Variants in GALNT17 observed in about 807,000 individuals in gnomAD.
GALNT17 encodes the protein polypeptide N-acetylgalactosaminyltransferase 17.
A neutral mutation model predicts 63.7 loss-of-function variants in GALNT17; 29 were observed. That is an observed-to-expected ratio of 0.46 (90% CI 0.34 to 0.62). The LOEUF is 0.62. GALNT17 is among the 20% of genes least tolerant of loss of function. GALNT17 has a pLI of 0.01. For missense variants in GALNT17, 603 were observed against 799.6 expected (o/e 0.75, Z 2.97); for synonymous variants, 305 against 318.3 (o/e 0.96, Z 0.45).
At chr7:71,557,789 A>AT (rs1449850836) in intron 5 of GALNT17, among the ~76,000 whole-genome samples, 1 of 148,274 alleles carries the variant, frequency 6.7e-6, no homozygotes, top group African/African-American at 2.5e-5. Context: ...AAACTCTTAA[A>AT]TACCCGGGCG....
chr7:71,649,456 G>A (rs1790724380), intron 6 of GALNT17, among the ~76,000 whole-genome samples: 1 of 152,130 alleles, frequency 6.6e-6, no homozygotes, highest in Non-Finnish European at 1.5e-5. Flanking sequence ...TTAAGAGGAT[G>A]GGTGATTGGC....
intron 6 of GALNT17, among the ~76,000 whole-genome samples, chr7:71,635,484 C>A (rs1269190122): frequency 6.6e-6 from 1 of 152,054 alleles, no homozygotes; most frequent in Admixed American, 6.6e-5. Context: ...GGTTGAGGGG[C>A]CTTAGAATTT....
rs1299010416 is a variant in GALNT17 at position 71,291,448 on chromosome 7, A to C, written c.239-44102A>C. 3.9e-5 allele frequency among the ~76,000 whole-genome samples: 6 copies of C among 152,124 alleles called. No individual in the cohort carries two copies. In the East Asian group the frequency reaches 9.6e-4, roughly 24 times the overall value. On this transcript the variant is annotated intron_variant, in intron 1 of 10. Coordinates refer to ENST00000333538, the MANE Select transcript of GALNT17 (RefSeq NM_022479.3). ...TTAGAATCCAATTCCATGATAGCTA[A>C]ATCTTGGTCTGTGAAAACTGTCTAA...
intron 5 of GALNT17, among the ~76,000 whole-genome samples, chr7:71,522,439 A>G (rs933589516): frequency 5.9e-5 from 9 of 152,182 alleles, no homozygotes; most frequent in East Asian, 1.9e-4. Context: ...ATCATGGTGG[A>G]AGTCAAGGAG....
chr7:71,598,718 A>G (rs748837007), intron 6 of GALNT17, among the ~76,000 whole-genome samples: 6 of 152,210 alleles, frequency 3.9e-5, no homozygotes, highest in Non-Finnish European at 7.3e-5. Context: ...TTGAGCGTCT[A>G]CTAGGTGCTG....
In GALNT17 at chr7:71,405,044, G is replaced by A. The variant is rs147666131; in HGVS notation, c.590-10845G>A. Among the ~76,000 whole-genome samples, 23 of 152,310 alleles carry A rather than the reference G, an allele frequency of 1.5e-4. No individual in the cohort carries two copies. The East Asian group carries it at 3.3e-3, about 22-fold the overall frequency. ...TACTGGTGCTTTGCACTCACATTTGGTCCTCATGCAACCCTGTGCAGTGGA... is the reference window on the plus strand; with the variant it reads ...TACTGGTGCTTTGCACTCACATTTGATCCTCATGCAACCCTGTGCAGTGGA... On this transcript the variant is annotated intron_variant, in intron 3 of 10. Transcript: ENST00000333538.
intron 1 of GALNT17, among the ~76,000 whole-genome samples, chr7:71,238,109 C>T (rs1452043763): frequency 2.0e-5 from 3 of 152,236 alleles, no homozygotes; most frequent in African/African-American, 7.2e-5. Flanking sequence ...AGAGCCAGAG[C>T]TGGGCAGCTC....
intron 1 of GALNT17, among the ~76,000 whole-genome samples, chr7:71,213,609 C>A (rs1439723361): frequency 6.7e-6 from 1 of 149,864 alleles, no homozygotes; most frequent in Non-Finnish European, 1.5e-5. Context: ...CTGTATACAT[C>A]CCTGAGAATA....
At chr7:71,225,095 C>T (rs11980728) in intron 1 of GALNT17, among the ~76,000 whole-genome samples, 4,120 of 152,064 alleles carry the variant, frequency 0.027, 193 homozygotes, top group African/African-American at 0.093. Context: ...CAGCCTCCCG[C>T]GTAGCTGTGA....
chr7:71,582,736 T>C (rs146885177), intron 6 of GALNT17, among the ~76,000 whole-genome samples: 1 of 152,280 alleles, frequency 6.6e-6, no homozygotes, highest in African/African-American at 2.4e-5. Context: ...AAAGATCGTG[T>C]GTTCTTGCTC....
chr7:71,587,284 T>A (rs1789733573), intron 6 of GALNT17, among the ~76,000 whole-genome samples: 1 of 152,138 alleles, frequency 6.6e-6, no homozygotes, highest in Non-Finnish European at 1.5e-5. Context: ...TGCCTCAGCC[T>A]CCAAAAGTGC....
chr7:71,568,320 G>T (rs1187816408), intron 5 of GALNT17, among the ~76,000 whole-genome samples: 1 of 152,216 alleles, frequency 6.6e-6, no homozygotes, highest in Non-Finnish European at 1.5e-5. Context: ...GCCTCCTTCA[G>T]TGGATTGTGG....
At chr7:71,508,139 G>C (rs1788296653) in intron 5 of GALNT17, among the ~76,000 whole-genome samples, 1 of 152,136 alleles carries the variant, frequency 6.6e-6, no homozygotes, top group South Asian at 2.1e-4. Context: ...CCAGTCATTG[G>C]AGTGAACCTC....
intron 1 of GALNT17, among the ~76,000 whole-genome samples, chr7:71,299,104 T>TTTAGACCTTAGACCTTAGACCAGTAAGGC (rs1260256898): frequency 1.3e-5 from 2 of 152,234 alleles, no homozygotes; most frequent in Non-Finnish European, 2.9e-5. Flanking sequence ...CAGTAAGGCT[T>TTTAGACCTTAGACCTTAGACCAGTAAGGC]TTAGACCACC....
intron 6 of GALNT17, among the ~76,000 whole-genome samples, chr7:71,662,194 CTT>C (rs1217462910): frequency 6.6e-6 from 1 of 152,102 alleles, no homozygotes; most frequent in Non-Finnish European, 1.5e-5. Context: ...GCTAAGGTCT[CTT>C]ATGCGCCTGT....
chr7:71,491,022 C>T (rs1787997087), intron 5 of GALNT17, among the ~76,000 whole-genome samples: 2 of 152,000 alleles, frequency 1.3e-5, no homozygotes, highest in South Asian at 4.2e-4. Flanking sequence ...GGAGAAACCC[C>T]CGTCTCTACT....
chr7:71,388,410 G>A lies in GALNT17; in HGVS notation c.589+9G>A, dbSNP rs377108579. On this transcript the variant is annotated intron_variant, in intron 3 of 10. Transcript: ENST00000333538. ...TGACAACAGCGACGAAGGTACAGGG[G>A]TGGCTGACCTGTGCACAGGACATGA... The A allele has an allele frequency of 3.5e-4, 567 of 1,613,326 alleles. 6 individuals are homozygous for A. The South Asian group carries it at 4.2e-3, about 12-fold the overall frequency.
rs558887962 is a variant in GALNT17, at chr7:71,249,189, G to A, written c.239-86361G>A. On this transcript the variant is annotated intron_variant, in intron 1 of 10. Transcript: ENST00000333538. Reference sequence around the variant, plus strand: ...TCTTAAGGTTCATCTTTACATAACAGCATCTGTTTCAGATTTCCTTTCTTA... The same window carrying A: ...TCTTAAGGTTCATCTTTACATAACAACATCTGTTTCAGATTTCCTTTCTTA... Among the ~76,000 whole-genome samples, 11 of 152,312 alleles carry A rather than the reference G, an allele frequency of 7.2e-5. No individual in the cohort carries two copies. In the South Asian group the frequency reaches 1.4e-3, roughly 20 times the overall value.
chr7:71,177,455 G>C (rs1788660511), intron 1 of GALNT17, among the ~76,000 whole-genome samples: 2 of 152,164 alleles, frequency 1.3e-5, no homozygotes, highest in South Asian at 2.1e-4. Context: ...CTGAAAATCT[G>C]ATTCCTTGTA....
Sources: gnomAD v4.1 joint callset for allele counts (sites outside exome capture counted in the v4.1 genomes callset) on GRCh38, gnomAD v4.1.1 for gene constraint, MANE v1.5 for transcripts, NCBI Gene and HGNC (gene_info 2026-07-23, HGNC 2026-07-21) for gene names.